SPANXN1: variants seen among roughly 807,000 people sequenced by gnomAD.
SPANXN1 encodes SPANX family member N1.
Under a neutral mutation model 2.0 loss-of-function variants are expected in SPANXN1, and 1 was observed. That is an observed-to-expected ratio of 0.50 (90% CI 0.18 to 2.36). The LOEUF is 2.36. Among genes scored for constraint, SPANXN1 ranks in the 30% most tolerant of loss-of-function variants. The pLI is 0.26. For synonymous variants in SPANXN1, 27 were observed against 21.3 expected, an observed-to-expected ratio of 1.27 and a Z score of -0.74; for missense variants, 55 against 51.8, an observed-to-expected ratio of 1.06 and a Z score of -0.19.
intron 1 of SPANXN1, among the ~76,000 whole-genome samples, chrX:145,252,648 T>C (rs1556882616): frequency 9.0e-6 from 1 of 110,606 alleles, no homozygotes; most frequent in East Asian, 2.9e-4. Context: ...AGTTTAGAAT[T>C]AACAGAAGGT....
At position 145,255,489 on chromosome X, in the gene SPANXN1, C is replaced by T. The variant is rs1410167916; in HGVS notation, c.76-182C>T. On this transcript the variant is annotated intron_variant, in intron 1 of 1. Coordinates refer to ENST00000370493, the MANE Select transcript of SPANXN1 (RefSeq NM_001009614.3). ...GGTGCACTTTGGACTAACAGGTGAC[C>T]CTACCCATGCTCCTCTTCTTCTTCC... 3.6e-5 allele frequency among the ~76,000 whole-genome samples: 4 copies of T among 110,524 alleles called. No individual in the cohort carries two copies. The East Asian group carries it at 1.2e-3, about 32-fold the overall frequency.
intron 1 of SPANXN1, among the ~76,000 whole-genome samples, chrX:145,250,833 A>T (rs2070782915): frequency 1.8e-5 from 2 of 111,667 alleles, no homozygotes; most frequent in South Asian, 7.6e-4. Context: ...CTTTAGTGGT[A>T]GTTTATCTAC....
In SPANXN1 at chrX:145,249,389, A is replaced by C. The variant is rs782156266; in HGVS notation, c.75+1728A>C. ...GAGTGAAATTTTGGAAGGTGCCCTA[A>C]AGTCATACCTCCTGCGTTAGTGTGA... On this transcript the variant is annotated intron_variant, in intron 1 of 1. Coordinates refer to ENST00000370493, the MANE Select transcript of SPANXN1 (RefSeq NM_001009614.3). Among the ~76,000 whole-genome samples the C allele has an allele frequency of 1.4e-4, 15 of 110,990 alleles. No homozygotes were observed. The East Asian group carries it at 3.7e-3, about 27-fold the overall frequency.
intron 1 of SPANXN1, among the ~76,000 whole-genome samples, chrX:145,254,074 A>G (rs1484001040): frequency 2.8e-5 from 3 of 106,827 alleles, no homozygotes; most frequent in Non-Finnish European, 5.8e-5. Context: ...GGGTGACAGT[A>G]AGGGGGTGGA....
At position 145,255,949 on chromosome X, in the gene SPANXN1, A is replaced by G; in HGVS notation, c.*135A>G. On this transcript the variant is annotated 3_prime_UTR_variant, in exon 2 of 2. Transcript: ENST00000370493. ...CTGAAGGATCTTCAAAGCAGGATGA[A>G]GACCTAGACTTACCTGAAGGATCTT... 1 of 1,105,642 alleles carries G rather than the reference A, an allele frequency of 9.0e-7. No individual in the cohort carries two copies. The highest frequency in any genetic ancestry group is 1.2e-6 in the Non-Finnish European group (1 of 801,865). 91.1% of individuals were successfully genotyped at this position (1,105,642 alleles called of 1,213,427 possible).
intron 1 of SPANXN1, among the ~76,000 whole-genome samples, chrX:145,250,472 T>A (rs1455572029): frequency 2.7e-5 from 3 of 111,345 alleles, no homozygotes; most frequent in African/African-American, 9.8e-5. Flanking sequence ...CTTAGTAATA[T>A]CTTTGAGATG....
In SPANXN1 at chrX:145,253,070, C is replaced by T. The variant is rs782351898; in HGVS notation, c.76-2601C>T. On this transcript the variant is annotated intron_variant, in intron 1 of 1. Transcript: ENST00000370493. ...CAGTACGGGCGGTGGACTCTAGGCC[C>T]CGTCTGTCTTCAGGTACGGGTGGTG... Among the ~76,000 whole-genome samples the T allele has an allele frequency of 3.3e-3, 370 of 111,235 alleles. 1 individual carries two copies. Among genetic ancestry groups the T allele is most frequent in the African/African-American group, 0.012 (357 of 30,574 alleles).
At chrX:145,251,785 T>C (rs1247833306) in intron 1 of SPANXN1, among the ~76,000 whole-genome samples, 2 of 111,100 alleles carry the variant, frequency 1.8e-5, no homozygotes, top group Non-Finnish European at 3.8e-5. Flanking sequence ...TGTGAGGCCA[T>C]GTAGAGTGGC....
At chrX:145,249,633 G>A (rs782377201) in intron 1 of SPANXN1, among the ~76,000 whole-genome samples, 3 of 108,934 alleles carry the variant, frequency 2.8e-5, no homozygotes, top group Non-Finnish European at 5.7e-5. Context: ...TGTGGATCTG[G>A]TGCTCTTTTT....
Position 145,256,080 on chromosome X carries a change from C to T in SPANXN1, c.*266C>T, listed in dbSNP as rs2070810143. ...CAGGAGGATAAAGACGTAGAATTACCTGAAGGATCTTCACAGGAGGATGAA... is the reference window on the plus strand; with the variant it reads ...CAGGAGGATAAAGACGTAGAATTACTTGAAGGATCTTCACAGGAGGATGAA... On this transcript the variant is annotated 3_prime_UTR_variant, in exon 2 of 2. Transcript: ENST00000370493. The T allele has an allele frequency of 2.0e-6, 1 of 501,795 alleles. No individual in the cohort carries two copies. Among genetic ancestry groups the T allele is most frequent in the Admixed American group, 3.1e-5 (1 of 32,339 alleles). 41.4% of individuals were successfully genotyped at this position (501,795 alleles called of 1,213,427 possible).
At chrX:145,251,198 G>C (rs1556882470) in intron 1 of SPANXN1, among the ~76,000 whole-genome samples, 2 of 111,868 alleles carry the variant, frequency 1.8e-5, no homozygotes, top group Non-Finnish European at 3.8e-5. Context: ...AGGGGGAGGA[G>C]AGGGAGTCTA....
rs2070766350 is a variant in SPANXN1, at chrX:145,247,530, G to A, written c.-57G>A. ...CCTCCTGGGAAGCTTCAATACAGCT[G>A]TGCAAGTCTGGAGTCTACAAGAGCC... is the stretch of plus-strand genomic sequence containing the variant. On this transcript the variant is annotated 5_prime_UTR_variant, in exon 1 of 2. The change creates a new upstream start codon in the 5' untranslated region. Transcript: ENST00000370493. 2 of 1,124,403 alleles carry A rather than the reference G, an allele frequency of 1.8e-6. No homozygotes were observed. Among genetic ancestry groups the A allele is most frequent in the African/African-American group, 3.6e-5 (2 of 55,295 alleles). 92.7% of individuals were successfully genotyped at this position (1,124,403 alleles called of 1,213,427 possible).
intron 1 of SPANXN1, 146 bp downstream of exon 1, chrX:145,247,807 C>T: frequency 8.2e-6 from 6 of 728,207 alleles, no homozygotes; most frequent in Non-Finnish European, 1.2e-5. Context: ...CCGCTTACAG[C>T]CTGGGGTGCT....
chrX:145,255,529 C>T lies in SPANXN1; in HGVS notation c.76-142C>T, dbSNP rs782426862. 8.6e-4 allele frequency: 775 copies of T among 900,389 alleles called. 1 individual carries two copies. The highest frequency in any genetic ancestry group is 1.0e-3 in the Non-Finnish European group (644 of 639,868). The allele number at this position is 900,389 out of a possible 1,213,427, so 74.2% of individuals were successfully genotyped here. ...CTTCTTCTTCCCCATAGATCCCTACCCTATGATTCAACCTTGTTCTTCTCT... is the reference window on the plus strand; with the variant it reads ...CTTCTTCTTCCCCATAGATCCCTACTCTATGATTCAACCTTGTTCTTCTCT... On this transcript the variant is annotated intron_variant, in intron 1 of 1. Coordinates refer to ENST00000370493, the MANE Select transcript of SPANXN1 (RefSeq NM_001009614.3).
chrX:145,254,353 T>C, intron 1 of SPANXN1, among the ~76,000 whole-genome samples: 1 of 111,903 alleles, frequency 8.9e-6, no homozygotes, highest in East Asian at 2.8e-4. Context: ...AATTTGGAAG[T>C]TGAATGTTTT....
chrX:145,254,485 C>T (rs1276746485), intron 1 of SPANXN1, among the ~76,000 whole-genome samples: 3 of 111,983 alleles, frequency 2.7e-5, no homozygotes, highest in South Asian at 3.7e-4. Flanking sequence ...GAAGTGAATA[C>T]ACCAGAGGAA....
At position 145,247,800 on chromosome X, in the gene SPANXN1, C is replaced by G. The variant is rs112036181; in HGVS notation, c.75+139C>G. 1.3e-5 allele frequency: 10 copies of G among 766,279 alleles called. No homozygotes were observed. In the African/African-American group the frequency reaches 1.5e-4, roughly 11 times the overall value. The allele number at this position is 766,279 out of a possible 1,213,427, so 63.1% of individuals were successfully genotyped here. ...CGCTTAATGCCAGAGCCCACCGCCG[C>G]TTACAGCCTGGGGTGCTTGTAGGTA... On this transcript the variant is annotated intron_variant, in intron 1 of 1. Coordinates refer to ENST00000370493, the MANE Select transcript of SPANXN1 (RefSeq NM_001009614.3).
At chrX:145,251,930 G>C (rs183327977) in intron 1 of SPANXN1, among the ~76,000 whole-genome samples, 1 of 111,389 alleles carries the variant, frequency 9.0e-6, no homozygotes, top group Non-Finnish European at 1.9e-5. Flanking sequence ...GGGATGGCTC[G>C]AGAATTAGGG....
chrX:145,248,578 A>G (rs1180802383), intron 1 of SPANXN1, among the ~76,000 whole-genome samples: 1 of 112,320 alleles, frequency 8.9e-6, no homozygotes, highest in Non-Finnish European at 1.9e-5. Context: ...GTTAATGTTT[A>G]GATTAACAAA....
Sources: gnomAD v4.1 joint callset for allele counts (sites outside exome capture counted in the v4.1 genomes callset) on GRCh38, gnomAD v4.1.1 for gene constraint, MANE v1.5 for transcripts, NCBI Gene and HGNC (gene_info 2026-07-23, HGNC 2026-07-21) for gene names.